The following CEP70 variants were observed in gnomAD, a reference collection of about 807,000 sequenced individuals.
CEP70 encodes the protein centrosomal protein of 70 kDa.
A neutral mutation model predicts 90.9 loss-of-function variants in CEP70; 70 were observed. The observed-to-expected ratio is 0.77, with a 90% confidence interval of 0.64 to 0.94. The LOEUF is 0.94. CEP70 is among the 40% of genes least tolerant of loss of function. The pLI is 0.00. For synonymous variants in CEP70, 220 were observed against 228.3 expected (o/e 0.96, Z 0.33); for missense variants, 648 against 669.0 (o/e 0.97, Z 0.35).
chr3:138,564,009 A>AG (rs2040599733), intron 6 of CEP70, among the ~76,000 whole-genome samples: 1 of 152,340 alleles, frequency 6.6e-6, no homozygotes, highest in Non-Finnish European at 1.5e-5. Flanking sequence ...AAAATGATAA[A>AG]GGGGATATCC....
Position 138,508,465 on chromosome 3 carries a change from C to A in CEP70, c.1024G>T (p.Ala342Ser), listed in dbSNP as rs1334787785. 9.9e-6 allele frequency: 16 copies of A among 1,610,316 alleles called. No homozygotes were observed. The highest frequency in any genetic ancestry group is 1.4e-5 in the Non-Finnish European group (16 of 1,176,996). The change falls in exon 12 of 18, where the codon GCC (alanine) becomes TCC (serine). Residue 342 changes from alanine (A) to serine (S), a missense_variant. Physicochemically the swap from Ala to Ser is moderately conservative, Grantham distance 99. Transcript: ENST00000264982. ...DEPSKYNQQQ[A>S]LIDQRYFQVL... ...TGAAAGTATCTCTGGTCAATTAGGG[C>A]CTGTTGCTGATTATATTTGCTGGGC...
At chr3:138,583,959 CAAAT>C (rs1356703327) in intron 2 of CEP70, among the ~76,000 whole-genome samples, 1 of 151,644 alleles carries the variant, frequency 6.6e-6, no homozygotes, top group Non-Finnish European at 1.5e-5. Context: ...GAAATTGAAA[CAAAT>C]AAGACATAAG....
chr3:138,565,005 G>T (rs1451515025), intron 6 of CEP70, among the ~76,000 whole-genome samples: 2 of 152,088 alleles, frequency 1.3e-5, no homozygotes, highest in African/African-American at 4.8e-5. Flanking sequence ...AAAGTCTCAG[G>T]ATACAAAATC....
chr3:138,575,605 A>G (rs1044412749), intron 2 of CEP70, among the ~76,000 whole-genome samples: 3 of 152,206 alleles, frequency 2.0e-5, no homozygotes, highest in African/African-American at 7.2e-5. Flanking sequence ...AGAGAACACC[A>G]CAAAGATACT....
intron 6 of CEP70, among the ~76,000 whole-genome samples, chr3:138,545,263 T>C (rs574093918): frequency 1.3e-5 from 2 of 152,184 alleles, no homozygotes; most frequent in Non-Finnish European, 2.9e-5. Flanking sequence ...TTCATGGACA[T>C]TTATCAGTTC....
rs1236129292 is a variant in CEP70, at chr3:138,563,111, T to C, written c.465+7207A>G. Reference sequence around the variant, plus strand: ...ACAAAGATCAAAAGAGACAAGGGCATTGCATAATGGTAAAGGGATCAGTGC... The same window carrying C: ...ACAAAGATCAAAAGAGACAAGGGCACTGCATAATGGTAAAGGGATCAGTGC... On this transcript the variant is annotated intron_variant, in intron 6 of 17. Transcript: ENST00000264982. 2.0e-5 allele frequency among the ~76,000 whole-genome samples: 3 copies of C among 151,778 alleles called. No homozygotes were observed. In the East Asian group the frequency reaches 5.8e-4, roughly 29 times the overall value.
rs374057197 is a variant in CEP70, at chr3:138,499,222, G to A, written c.1652+888C>T. On this transcript the variant is annotated intron_variant, in intron 16 of 17. Coordinates refer to ENST00000264982, the MANE Select transcript of CEP70 (RefSeq NM_024491.4). Reference sequence around the variant, plus strand: ...ATGGTTTATGTGGTATATATTGTGTGTTTCCCTTCACATATGCTGTAATAT... The same window carrying A: ...ATGGTTTATGTGGTATATATTGTGTATTTCCCTTCACATATGCTGTAATAT... Among the ~76,000 whole-genome samples the A allele has an allele frequency of 1.3e-4, 19 of 151,994 alleles. 1 individual carries two copies. Among genetic ancestry groups the A allele is most frequent in the African/African-American group, 4.6e-4 (19 of 41,420 alleles).
chr3:138,523,843 C>A (rs182038463), intron 11 of CEP70, among the ~76,000 whole-genome samples: 7,185 of 151,890 alleles, frequency 0.047, 540 homozygotes, highest in African/African-American at 0.16. Context: ...CAAGCTACCA[C>A]TGACTTTCTT....
chr3:138,542,601 T>C (rs1382120190), intron 6 of CEP70, among the ~76,000 whole-genome samples: 1 of 152,140 alleles, frequency 6.6e-6, no homozygotes, highest in African/African-American at 2.4e-5. Context: ...CAGGTGCCAG[T>C]GGAGGGTGGG....
intron 17 of CEP70, 49 bp from the exon 18 acceptor site, chr3:138,495,125 G>A: frequency 8.9e-7 from 1 of 1,120,908 alleles, no homozygotes; most frequent in Non-Finnish European, 1.3e-6. Flanking sequence ...TTTTCTAGTG[G>A]TAAACTCACA....
intron 6 of CEP70, among the ~76,000 whole-genome samples, chr3:138,538,697 G>T (rs1184165987): frequency 6.6e-6 from 1 of 152,148 alleles, no homozygotes; most frequent in African/African-American, 2.4e-5. Context: ...AGACAGTGTG[G>T]TGAGATTCTT....
chr3:138,584,440 C>A, intron 2 of CEP70, among the ~76,000 whole-genome samples: 4 of 86,800 alleles, frequency 4.6e-5, no homozygotes, highest in South Asian at 3.9e-4. Flanking sequence ...ACCCTGATAC[C>A]AAAACCAGAC....
At chr3:138,551,740 C>A (rs2039630957) in intron 6 of CEP70, among the ~76,000 whole-genome samples, 1 of 131,848 alleles carries the variant, frequency 7.6e-6, no homozygotes, top group African/African-American at 3.0e-5. Context: ...GAGTGAAACT[C>A]CATCTAAAAA....
chr3:138,573,501 C>T (rs559905612), intron 2 of CEP70, among the ~76,000 whole-genome samples: 7 of 151,898 alleles, frequency 4.6e-5, no homozygotes, highest in East Asian at 3.9e-4. Flanking sequence ...CATTCATTAA[C>T]GAATAATAAA....
At chr3:138,520,234 G>T (rs936007298) in intron 11 of CEP70, among the ~76,000 whole-genome samples, 1 of 151,942 alleles carries the variant, frequency 6.6e-6, no homozygotes, top group African/African-American at 2.4e-5. Context: ...AATAATAATG[G>T]GAGACTTTAA....
intron 11 of CEP70, among the ~76,000 whole-genome samples, chr3:138,519,199 C>T (rs529148471): frequency 5.3e-5 from 8 of 152,280 alleles, no homozygotes; most frequent in South Asian, 2.1e-4. Context: ...ACCAAATCTA[C>T]GTCTGATTGA....
chr3:138,543,316 C>T (rs1291713712), intron 6 of CEP70, among the ~76,000 whole-genome samples: 1 of 152,196 alleles, frequency 6.6e-6, no homozygotes, highest in Non-Finnish European at 1.5e-5. Context: ...CGTCGGCATC[C>T]AAAGTCTTGG....
intron 6 of CEP70, among the ~76,000 whole-genome samples, chr3:138,551,728 A>T (rs1341232911): frequency 6.7e-6 from 1 of 150,154 alleles, no homozygotes; most frequent in Non-Finnish European, 1.5e-5. Flanking sequence ...CCTGGGTGAC[A>T]AGAGTGAAAC....
chr3:138,553,650 GAA>G (rs1459976656), intron 6 of CEP70, among the ~76,000 whole-genome samples: 3 of 152,020 alleles, frequency 2.0e-5, no homozygotes, highest in Non-Finnish European at 4.4e-5. Context: ...CCAAAACTAG[GAA>G]AAGATATAAC....
Sources: allele counts gnomAD v4.1 joint callset (sites outside exome capture counted in the v4.1 genomes callset), GRCh38; gene constraint gnomAD v4.1.1; transcripts MANE v1.5; gene names NCBI Gene and HGNC (gene_info 2026-07-23, HGNC 2026-07-21).